Variants in IRAG1 observed in about 807,000 individuals in gnomAD.
The protein encoded by IRAG1 is IP3R-associated cGMP kinase substrate.
Under a neutral mutation model 106.2 loss-of-function variants are expected in IRAG1, and 62 were observed. The observed-to-expected ratio is 0.58, with a 90% confidence interval of 0.48 to 0.72. IRAG1 has a LOEUF of 0.72. Among genes scored for constraint, IRAG1 ranks in the 30% least tolerant of loss-of-function variants. IRAG1 has a pLI of 0.00. For missense variants in IRAG1, 1,064 were observed against 1,140.7 expected (o/e 0.93, Z 0.97); for synonymous variants, 462 against 443.9 (o/e 1.04, Z -0.51).
At position 10,662,865 on chromosome 11, in the gene IRAG1, G is replaced by T. The variant is rs184092748; in HGVS notation, c.68-10683C>A. 1.8e-4 allele frequency among the ~76,000 whole-genome samples: 27 copies of T among 152,338 alleles called. 1 individual carries two copies. The highest frequency in any genetic ancestry group is 6.0e-4 in the African/African-American group (25 of 41,584). ...GGGATTGCCCATTCCCATGAAGCAG[G>T]CCTCTGGGAAATGTACCTTATTTCA... On this transcript the variant is annotated intron_variant, in intron 1 of 20. Coordinates refer to ENST00000423302, the MANE Select transcript of IRAG1 (RefSeq NM_130385.4).
intron 1 of IRAG1, among the ~76,000 whole-genome samples, chr11:10,664,400 C>G (rs543024325): frequency 3.9e-5 from 6 of 152,270 alleles, no homozygotes; most frequent in Admixed American, 3.9e-4. Context: ...AAGCATGCTA[C>G]AGAAAGCTAC....
chr11:10,627,596 C>T, intron 8 of IRAG1, 120 bp downstream of exon 8: 1 of 1,034,206 alleles, frequency 9.7e-7, no homozygotes, highest in Non-Finnish European at 1.5e-6. Flanking sequence ...CAGCCCTGAC[C>T]CTCCACTCAT....
At chr11:10,642,680 T>G (rs1857602302) in intron 2 of IRAG1, among the ~76,000 whole-genome samples, 1 of 152,262 alleles carries the variant, frequency 6.6e-6, no homozygotes, top group South Asian at 2.1e-4. Context: ...ATAATCACTA[T>G]TCTCTAGGCT....
intron 1 of IRAG1, among the ~76,000 whole-genome samples, chr11:10,680,832 C>A (rs4910167): frequency 0.25 from 37,882 of 152,064 alleles, 5,071 homozygotes; most frequent in African/African-American, 0.33. Context: ...GGCTCACAAA[C>A]ATTCTAATAA....
At chr11:10,667,556 TATTCATTCTAC>T (rs796220716) in intron 1 of IRAG1, among the ~76,000 whole-genome samples, 27 of 152,334 alleles carry the variant, frequency 1.8e-4, no homozygotes, top group African/African-American at 6.5e-4. Flanking sequence ...CCTGCAGCCC[TATTCATTCTAC>T]ATGTCCAGAT....
chr11:10,658,383 C>T (rs899987037), intron 1 of IRAG1: 1 of 152,362 alleles, frequency 6.6e-6, no homozygotes, highest in Admixed American at 6.5e-5. Flanking sequence ...ATAGCACCCA[C>T]CTTTTAGCGT....
intron 2 of IRAG1, among the ~76,000 whole-genome samples, chr11:10,642,884 G>A (rs1857622102): frequency 6.6e-6 from 1 of 152,142 alleles, no homozygotes; most frequent in African/African-American, 2.4e-5. Context: ...GACTCTCTGG[G>A]CCGGGCACGG....
chr11:10,595,643 C>T (rs1202135963), intron 15 of IRAG1: 2 of 152,216 alleles, frequency 1.3e-5, no homozygotes, highest in Admixed American at 1.3e-4. Flanking sequence ...CCCACGTTTA[C>T]AAATGTCTTT....
At chr11:10,618,095 C>T (rs1855564724) in intron 10 of IRAG1, among the ~76,000 whole-genome samples, 1 of 152,200 alleles carries the variant, frequency 6.6e-6, no homozygotes, top group African/African-American at 2.4e-5. Context: ...CCTTGTTGCC[C>T]ATCTCTCTGG....
intron 10 of IRAG1, among the ~76,000 whole-genome samples, chr11:10,620,843 A>G (rs1271434201): frequency 6.6e-6 from 1 of 152,222 alleles, no homozygotes; most frequent in Non-Finnish European, 1.5e-5. Flanking sequence ...AGAAAAAAGA[A>G]CAACTAACGG....
intron 1 of IRAG1, among the ~76,000 whole-genome samples, chr11:10,691,553 T>C (rs894987764): frequency 2.6e-5 from 4 of 152,180 alleles, no homozygotes; most frequent in South Asian, 2.1e-4. Context: ...TCAAGTAGGT[T>C]TCACATGGCC....
chr11:10,626,126 C>T lies in IRAG1; in HGVS notation c.1208G>A (p.Gly403Asp). 1 of 1,541,336 alleles carries T rather than the reference C, an allele frequency of 6.5e-7. No individual in the cohort carries two copies. Among genetic ancestry groups the T allele is most frequent in the East Asian group, 2.3e-5 (1 of 43,962 alleles). ...GGCAAGCACTTTCTGCAGCCGGGGG[C>T]CAGGTTCTTCAGGGCCACTGTCCCA... ...LSWDSGPEEP[G>D]PRLQKVLAKL... Residue 403 changes from glycine to aspartate, a missense_variant, in exon 9 of 21, where the codon GGC becomes GAC. Physicochemically the swap from Gly to Asp is moderately conservative, Grantham distance 94 (BLOSUM62 -1). Coordinates refer to ENST00000423302, the MANE Select transcript of IRAG1 (RefSeq NM_130385.4).
At chr11:10,681,074 C>T (rs549272791) in intron 1 of IRAG1, among the ~76,000 whole-genome samples, 14 of 152,302 alleles carry the variant, frequency 9.2e-5, no homozygotes, top group African/African-American at 3.1e-4. Context: ...GTCTCCTCTA[C>T]TTAGGGAGTG....
At chr11:10,636,362 A>G (rs1414537324) in intron 2 of IRAG1, among the ~76,000 whole-genome samples, 1 of 152,006 alleles carries the variant, frequency 6.6e-6, no homozygotes, top group Non-Finnish European at 1.5e-5. Flanking sequence ...TTTTTTTTAG[A>G]GACAGGGTCT....
chr11:10,626,392 C>T lies in IRAG1; in HGVS notation c.942G>A (p.Gly314=), dbSNP rs1856247763. Residue 314 remains glycine (G), a synonymous_variant, in exon 9 of 21, where the codon GGG becomes GGA. Transcript: ENST00000423302. ...KGLAPVTNSS[G]KMALNSPQPG... ...GCTGAGGGCTGTTCAGGGCCATTTT[C>T]CCACTGCTGTTTGTAACAGGAGCTA... 1 of 1,613,888 alleles carries T rather than the reference C, an allele frequency of 6.2e-7. No homozygotes were observed. Among genetic ancestry groups the T allele is most frequent in the East Asian group, 2.2e-5 (1 of 44,878 alleles).
chr11:10,678,053 C>T (rs1860845954), intron 1 of IRAG1, among the ~76,000 whole-genome samples: 1 of 55,184 alleles, frequency 1.8e-5, no homozygotes, highest in South Asian at 5.2e-4. Context: ...TCTATCCATC[C>T]CACATTTTGT....
chr11:10,677,610 A>T (rs1860791471), intron 1 of IRAG1, among the ~76,000 whole-genome samples: 1 of 152,126 alleles, frequency 6.6e-6, no homozygotes, highest in Admixed American at 6.5e-5. Context: ...TTTTTAAAAA[A>T]TTATGATAAA....
chr11:10,671,220 T>C (rs1322914314), intron 1 of IRAG1, among the ~76,000 whole-genome samples: 1 of 152,220 alleles, frequency 6.6e-6, no homozygotes, highest in African/African-American at 2.4e-5. Context: ...GGTGATATGA[T>C]CTTATATATG....
At chr11:10,635,848 G>A (rs927977702) in intron 2 of IRAG1, among the ~76,000 whole-genome samples, 2 of 152,166 alleles carry the variant, frequency 1.3e-5, no homozygotes, top group African/African-American at 2.4e-5. Context: ...CTTTTATGTG[G>A]AAACCCAGAG....
Sources: gnomAD v4.1 joint callset for allele counts (sites outside exome capture counted in the v4.1 genomes callset) on GRCh38, gnomAD v4.1.1 for gene constraint, MANE v1.5 for transcripts, NCBI Gene and HGNC (gene_info 2026-07-23, HGNC 2026-07-21) for gene names.